STK32B: variants seen among roughly 807,000 people sequenced by gnomAD.
STK32B encodes the protein serine/threonine kinase 32B.
A neutral mutation model predicts 52.6 loss-of-function variants in STK32B; 43 were observed. That is an observed-to-expected ratio of 0.82 (90% CI 0.64 to 1.05). The LOEUF is 1.05. Among genes scored for constraint, STK32B ranks in the 50% least tolerant of loss-of-function variants. The pLI, the probability that STK32B is intolerant of heterozygous loss-of-function variation, is 0.00. For synonymous variants in STK32B, 238 were observed against 204.3 expected, an observed-to-expected ratio of 1.17 and a Z score of -1.41; for missense variants, 621 against 534.6, an observed-to-expected ratio of 1.16 and a Z score of -1.59.
intron 6 of STK32B, chr4:5,435,951 G>A (rs1388565540): frequency 6.6e-6 from 1 of 152,326 alleles, no homozygotes; most frequent in Non-Finnish European, 1.5e-5. Context: ...CCTGGAGGAC[G>A]AAACCCTAGG....
At chr4:5,171,466 TC>T (rs1444314504) in intron 3 of STK32B, among the ~76,000 whole-genome samples, 2 of 152,328 alleles carry the variant, frequency 1.3e-5, no homozygotes, top group Non-Finnish European at 1.5e-5. Context: ...CTTTAATCCA[TC>T]TTGCATTAAT....
the STK32B span, among the ~76,000 whole-genome samples, chr4:5,034,758 A>G: frequency 2.6e-5 from 4 of 152,330 alleles, no homozygotes; most frequent in African/African-American, 9.6e-5. Context: ...TGAACAAATC[A>G]ATCAGGTAGG....
intron 3 of STK32B, among the ~76,000 whole-genome samples, chr4:5,274,386 G>T (rs1253530378): frequency 1.3e-5 from 2 of 152,084 alleles, no homozygotes; most frequent in Non-Finnish European, 2.9e-5. Context: ...TTTTAATGGT[G>T]GGGGGTAGGG....
At position 5,380,594 on chromosome 4, in the gene STK32B, G is replaced by C. The variant is rs1365439127; in HGVS notation, c.435-17613G>C. Among the ~76,000 whole-genome samples, 1 of 152,218 alleles carries C rather than the reference G, an allele frequency of 6.6e-6. No homozygotes were observed. The highest frequency in any genetic ancestry group is 1.5e-5 in the Non-Finnish European group (1 of 68,048). ...CCACCCCATAGGAGCAGCTGGGACT[G>C]AGTACCCATGACACGCAGATGCCTT... On this transcript the variant is annotated intron_variant, in intron 4 of 11. Coordinates refer to ENST00000282908, the MANE Select transcript of STK32B (RefSeq NM_018401.3). The surrounding 1 kb of genome is among the most constrained non-coding windows in gnomAD (Gnocchi z 4.3).
intron 6 of STK32B, among the ~76,000 whole-genome samples, chr4:5,424,470 C>T (rs1712914322): frequency 6.6e-6 from 1 of 152,190 alleles, no homozygotes; most frequent in Non-Finnish European, 1.5e-5. Context: ...CACATACTTC[C>T]TCCCCTCTGA....
chr4:5,019,585 GC>G, the STK32B span: 2 of 896,260 alleles, frequency 2.2e-6, no homozygotes, highest in Non-Finnish European at 3.0e-6. Flanking sequence ...AAGCCAGCAC[GC>G]CCACCGGGCA....
At chr4:5,099,014 G>T (rs543600166) in intron 1 of STK32B, among the ~76,000 whole-genome samples, 1 of 152,184 alleles carries the variant, frequency 6.6e-6, no homozygotes, top group African/African-American at 2.4e-5. Context: ...GATGTCTACA[G>T]TGTGTTTCAC....
intron 9 of STK32B, among the ~76,000 whole-genome samples, chr4:5,465,552 G>T (rs1717366380): frequency 6.6e-6 from 1 of 152,186 alleles, no homozygotes. Flanking sequence ...CAGCAGAGAA[G>T]CAGAGGGAAT....
intron 1 of STK32B, among the ~76,000 whole-genome samples, chr4:5,127,517 T>G (rs1022988239): frequency 1.3e-5 from 2 of 149,960 alleles, no homozygotes; most frequent in African/African-American, 2.5e-5. Flanking sequence ...TGAGCAATTC[T>G]CTCAAAATTA....
intron 3 of STK32B, among the ~76,000 whole-genome samples, chr4:5,242,184 G>T (rs566912110): frequency 1.6e-4 from 24 of 152,236 alleles, no homozygotes; most frequent in Admixed American, 1.5e-3. Context: ...TTAGTTTACA[G>T]TCCCACCAAC....
At chr4:5,200,849 A>G (rs1722082405) in intron 3 of STK32B, among the ~76,000 whole-genome samples, 1 of 152,158 alleles carries the variant, frequency 6.6e-6, no homozygotes, top group African/African-American at 2.4e-5. Context: ...GTTTCCATTA[A>G]TCTGTGACTA....
rs55688341 is a variant in STK32B, at chr4:5,459,282, G to GCCCCCCCCCCCC, written c.784-820_784-809dup. Among the ~76,000 whole-genome samples the GCCCCCCCCCCCC allele has an allele frequency of 5.3e-5, 7 of 133,046 alleles. 1 individual carries two copies. The highest frequency in any genetic ancestry group is 1.4e-4 in the African/African-American group (5 of 34,986). The allele number at this position is 133,046 out of a possible 152,430, so 87.3% of individuals were successfully genotyped here. A position where few individuals can be genotyped will look rare whatever the true frequency, so the allele number is the denominator to read the frequency against. ...CAGCTCCACCTGTGGACCCTGGTGT[G>GCCCCCCCCCCCC]CCCCCCCCCCCCACCTTTCTAAGTA... On this transcript the variant is annotated intron_variant, in intron 8 of 11. Transcript: ENST00000282908.
chr4:5,342,540 G>A (rs143078907), intron 4 of STK32B, among the ~76,000 whole-genome samples: 24 of 152,258 alleles, frequency 1.6e-4, no homozygotes, highest in African/African-American at 4.1e-4. Flanking sequence ...AGCAGGTCTC[G>A]TGATAATTTA....
intron 4 of STK32B, among the ~76,000 whole-genome samples, chr4:5,340,783 A>G (rs959051762): frequency 6.6e-6 from 1 of 152,224 alleles, no homozygotes; most frequent in African/African-American, 2.4e-5. Context: ...GCATATGTGT[A>G]TATATGCACA....
chr4:5,371,189 C>T (rs1577407343), intron 4 of STK32B, among the ~76,000 whole-genome samples: 1 of 151,912 alleles, frequency 6.6e-6, no homozygotes, highest in Admixed American at 6.6e-5. Flanking sequence ...GCTGGGATTA[C>T]AGCCAATGAG....
chr4:5,489,288 G>C (rs114190048), intron 11 of STK32B, among the ~76,000 whole-genome samples: 2,428 of 152,210 alleles, frequency 0.016, 26 homozygotes, highest in Middle Eastern at 0.017. Flanking sequence ...ATCATTTCAA[G>C]TTTTTTCTCT....
At chr4:5,179,500 T>A (rs965824607) in intron 3 of STK32B, among the ~76,000 whole-genome samples, 10 of 144,630 alleles carry the variant, frequency 6.9e-5, no homozygotes, top group African/African-American at 2.4e-4. Flanking sequence ...GATAGACAAA[T>A]GATAGATGAT....
At chr4:5,492,477 T>C (rs1308596499) in intron 11 of STK32B, among the ~76,000 whole-genome samples, 3 of 152,054 alleles carry the variant, frequency 2.0e-5, no homozygotes, top group Non-Finnish European at 4.4e-5. Context: ...GATTTTGGGC[T>C]GAGACAATGG....
At chr4:5,115,140 C>G (rs546062585) in intron 1 of STK32B, among the ~76,000 whole-genome samples, 26 of 152,280 alleles carry the variant, frequency 1.7e-4, no homozygotes, top group African/African-American at 6.3e-4. Flanking sequence ...AGATCTCAAG[C>G]TGTCCTGCAT....
Sources: gnomAD v4.1 joint callset for allele counts (sites outside exome capture counted in the v4.1 genomes callset) on GRCh38, gnomAD v4.1.1 for gene constraint, Gnocchi (gnomAD v3.1) non-coding constraint, MANE v1.5 for transcripts, NCBI Gene and HGNC (gene_info 2026-07-23, HGNC 2026-07-21) for gene names.